The following TTF2 variants were observed in gnomAD, a reference collection of about 807,000 sequenced individuals.
The protein encoded by TTF2 is RNA polymerase II termination factor.
A neutral mutation model predicts 142.4 loss-of-function variants in TTF2; 108 were observed. The ratio of observed to expected loss-of-function variants is 0.76; its 90% CI spans 0.65 to 0.89. The LOEUF is 0.89. Among genes scored for constraint, TTF2 ranks in the 40% least tolerant of loss-of-function variants. TTF2 has a pLI of 0.00. For synonymous variants in TTF2, 483 were observed against 506.2 expected, an observed-to-expected ratio of 0.95 and a Z score of 0.61; for missense variants, 1,327 against 1,379.8, an observed-to-expected ratio of 0.96 and a Z score of 0.61.
chr1:117,068,371 A>C (rs1656314703), intron 3 of TTF2, among the ~76,000 whole-genome samples: 1 of 152,110 alleles, frequency 6.6e-6, no homozygotes. Flanking sequence ...AGGGCGTGGA[A>C]CATCACATAC....
chr1:117,079,602 C>T lies in TTF2; in HGVS notation c.1736C>T (p.Ala579Val), dbSNP rs1647313751. The change falls in exon 9 of 23, where the codon GCT becomes GTT. Residue 579 changes from alanine to valine, a missense_variant. Ala to Val is a moderately conservative substitution (Grantham distance 64). Coordinates refer to ENST00000369466, the MANE Select transcript of TTF2 (RefSeq NM_003594.4). This position sits in a 1 kb window ranked among gnomAD's most constrained non-coding sequence, Gnocchi z 4.2. ...PLLLHQKQALAWLLWRESQKP... is the reference protein window; with the variant it reads ...PLLLHQKQALVWLLWRESQKP... ...CTACTACACCAGAAGCAGGCATTGG[C>T]TTGGTTACTATGGCGAGAAAGTCAG... 1 of 1,614,066 alleles carries T rather than the reference C, an allele frequency of 6.2e-7. No individual in the cohort carries two copies. The highest frequency in any genetic ancestry group is 8.5e-7 in the Non-Finnish European group (1 of 1,180,038).
chr1:117,097,218 C>A lies in TTF2; in HGVS notation c.3187-133C>A, dbSNP rs374828909. ...AGCATTATAATGTTAAAAAAAAAAACAATTTATAACAGCAGAAGGAAATTT... is the reference window on the plus strand; with the variant it reads ...AGCATTATAATGTTAAAAAAAAAAAAAATTTATAACAGCAGAAGGAAATTT... On this transcript the variant is annotated intron_variant, in intron 20 of 22. Transcript: ENST00000369466. This position sits in a 1 kb window ranked among gnomAD's most constrained non-coding sequence, Gnocchi z 4.1. 80 of 679,816 alleles carry A rather than the reference C, an allele frequency of 1.2e-4. No individual in the cohort carries two copies. The highest frequency in any genetic ancestry group is 2.5e-4 in the East Asian group (9 of 35,494). 42.1% of individuals were successfully genotyped at this position (679,816 alleles called of 1,614,324 possible).
intron 3 of TTF2, among the ~76,000 whole-genome samples, chr1:117,072,973 GT>G (rs766315098): frequency 4.0e-5 from 6 of 151,430 alleles, no homozygotes; most frequent in Non-Finnish European, 8.8e-5. Context: ...AAATGTCATA[GT>G]TTTTTTTTAG....
At chr1:117,065,649 A>G (rs1036419978) in intron 3 of TTF2, among the ~76,000 whole-genome samples, 1 of 152,114 alleles carries the variant, frequency 6.6e-6, no homozygotes, top group African/African-American at 2.4e-5. Context: ...CAGAGTTCCT[A>G]TGCATCTTTT....
chr1:117,065,685 GT>G (rs1354137406), intron 3 of TTF2, among the ~76,000 whole-genome samples: 3 of 152,098 alleles, frequency 2.0e-5, no homozygotes, highest in Non-Finnish European at 2.9e-5. Context: ...CAGTGTTTGT[GT>G]TTTTTAGTGC....
Position 117,073,652 on chromosome 1 carries a change from C to T in TTF2, c.219-9C>T, listed in dbSNP as rs778278925. 5.6e-6 allele frequency: 9 copies of T among 1,600,790 alleles called. No individual in the cohort carries two copies. The highest frequency in any genetic ancestry group is 7.7e-6 in the Non-Finnish European group (9 of 1,170,514). ...TAGCCTTGATTATTTGTGTTTTATA[C>T]TTCATTAGATTGTTCTTCCGATGCA... is the stretch of plus-strand genomic sequence containing the variant. On this transcript the variant is annotated splice_polypyrimidine_tract_variant and intron_variant, in intron 3 of 22. Coordinates refer to ENST00000369466, the MANE Select transcript of TTF2 (RefSeq NM_003594.4). This position sits in a 1 kb window ranked among gnomAD's most constrained non-coding sequence, Gnocchi z 4.4.
intron 18 of TTF2, chr1:117,094,624 A>G: frequency 2.1e-6 from 1 of 478,996 alleles, no homozygotes; most frequent in South Asian, 1.5e-5. Context: ...AAGCTCTTTC[A>G]CTTTCTTCTT....
Position 117,073,810 on chromosome 1 carries a change from C to A in TTF2, c.285+83C>A. 1 of 1,325,148 alleles carries A rather than the reference C, an allele frequency of 7.5e-7. No homozygotes were observed. Among genetic ancestry groups the A allele is most frequent in the Non-Finnish European group, 1.1e-6 (1 of 945,738 alleles). The allele number at this position is 1,325,148 out of a possible 1,614,324, so 82.1% of individuals were successfully genotyped here. ...TCACCTGAAAATACCTTGAAGTTCA[C>A]GTAAATGAGTTGGTCTTCATCAGAC... On this transcript the variant is annotated intron_variant, in intron 4 of 22. Transcript: ENST00000369466. The surrounding 1 kb of genome is among the most constrained non-coding windows in gnomAD (Gnocchi z 4.4).
At position 117,073,186 on chromosome 1, in the gene TTF2, G is replaced by A. The variant is rs147664659; in HGVS notation, c.219-475G>A. ...TATATTCTCCACAGTATAGTTTTAC[G>A]CCTTCTTCTGTTGTTTCTATTTCCT... On this transcript the variant is annotated intron_variant, in intron 3 of 22. Coordinates refer to ENST00000369466, the MANE Select transcript of TTF2 (RefSeq NM_003594.4). The surrounding 1 kb of genome is among the most constrained non-coding windows in gnomAD (Gnocchi z 4.4). Among the ~76,000 whole-genome samples the A allele has an allele frequency of 2.8e-3, 423 of 152,174 alleles. 5 individuals carry two copies. Among genetic ancestry groups the A allele is most frequent in the South Asian group, 0.019 (90 of 4,824 alleles).
In TTF2 at chr1:117,073,212, A is replaced by G. The variant is rs532644943; in HGVS notation, c.219-449A>G. ...CCTTCTTCTGTTGTTTCTATTTCCT[A>G]TAAATTGGTAATTGGATCTAGAGGT... On this transcript the variant is annotated intron_variant, in intron 3 of 22. Transcript: ENST00000369466. The surrounding 1 kb of genome is among the most constrained non-coding windows in gnomAD (Gnocchi z 4.4). 6.6e-6 allele frequency among the ~76,000 whole-genome samples: 1 copy of G among 152,152 alleles called. No individual in the cohort carries two copies. Among genetic ancestry groups the G allele is most frequent in the South Asian group, 2.1e-4 (1 of 4,822 alleles).
chr1:117,067,898 A>G (rs1383256008), intron 3 of TTF2, among the ~76,000 whole-genome samples: 2 of 152,262 alleles, frequency 1.3e-5, no homozygotes, highest in East Asian at 3.8e-4. Context: ...ACTGAGGCGA[A>G]GATGCCCATT....
rs779988512 is a variant in TTF2 at position 117,076,824 on chromosome 1, G to A, written c.1573+1G>A. ...GGAGGATCCAGTCAGTGCTATCGAG[G>A]TAAGACCCAAGGGCCTGACCCTGCT... On this transcript the variant is annotated splice_donor_variant, in intron 7 of 22. Coordinates refer to ENST00000369466, the MANE Select transcript of TTF2 (RefSeq NM_003594.4). LOFTEE classifies it high-confidence loss of function. This position sits in a 1 kb window ranked among gnomAD's most constrained non-coding sequence, Gnocchi z 4.6. 5.0e-6 allele frequency: 8 copies of A among 1,610,716 alleles called. No individual in the cohort carries two copies. In the Admixed American group the frequency reaches 1.3e-4, roughly 27 times the overall value.
At chr1:117,094,862 A>G (rs560646899) in intron 18 of TTF2, 13 of 342,196 alleles carry the variant, frequency 3.8e-5, no homozygotes, top group Admixed American at 2.2e-4. Flanking sequence ...CCTAACCTGT[A>G]CTTTGGGGGT....
rs1216578000 is a variant in TTF2, at chr1:117,102,995, T to A, written c.*1471T>A. 1 of 152,216 alleles carries A rather than the reference T, an allele frequency of 6.6e-6. No homozygotes were observed. Among genetic ancestry groups the A allele is most frequent in the African/African-American group, 2.4e-5 (1 of 41,454 alleles). The allele number at this position is 152,216 out of a possible 1,614,324, so 9.4% of individuals were successfully genotyped here. A position where few individuals can be genotyped will look rare whatever the true frequency, so the allele number is the denominator to read the frequency against. ...ATGGACTGTGGAGAGAAGCGATTGA[T>A]GTAAGTCACTTCTAGGTGGCCCTCT... is the stretch of plus-strand genomic sequence containing the variant. On this transcript the variant is annotated 3_prime_UTR_variant, in exon 23 of 23. Coordinates refer to ENST00000369466, the MANE Select transcript of TTF2 (RefSeq NM_003594.4).
At chr1:117,088,621 T>G (rs936253217) in intron 12 of TTF2, among the ~76,000 whole-genome samples, 180 bp from the exon 13 acceptor site, 1 of 152,236 alleles carries the variant, frequency 6.6e-6, no homozygotes, top group African/African-American at 2.4e-5. Context: ...AAATAACTTA[T>G]TTGAACCAGT....
chr1:117,096,054 T>C, intron 19 of TTF2, 95 bp from the exon 20 acceptor site: 6 of 1,424,040 alleles, frequency 4.2e-6, no homozygotes, highest in South Asian at 3.9e-5. Flanking sequence ...CAACATTTGA[T>C]AGCTAACCTT....
rs753311484 is a variant in TTF2 at position 117,075,742 on chromosome 1, C to G, written c.1158C>G (p.Phe386Leu). 6.2e-6 allele frequency: 10 copies of G among 1,614,216 alleles called. No homozygotes were observed. Among genetic ancestry groups the G allele is most frequent in the Non-Finnish European group, 7.6e-6 (9 of 1,180,038 alleles). ...LDLETKENLQ[F>L]PDRSVQRKVS... ...TAGAGACGAAGGAAAACCTCCAATT[C>G]CCTGATCGAAGTGTGCAAAGAAAGG... The change falls in exon 5 of 23, where the codon TTC (phenylalanine) becomes TTG (leucine). Residue 386 changes from phenylalanine (F) to leucine (L), a missense_variant. Physicochemically the swap from Phe to Leu is conservative, Grantham distance 22 (BLOSUM62 0). Transcript: ENST00000369466. This position sits in a 1 kb window ranked among gnomAD's most constrained non-coding sequence, Gnocchi z 4.5.
In TTF2 at chr1:117,087,355, G is replaced by A. The variant is rs576102571; in HGVS notation, c.2160+833G>A. ...TCGCCCAGGATGGAGTGCATGGTGC[G>A]ATCTTGGCTCACTGCAACCTCTGCA... On this transcript the variant is annotated intron_variant, in intron 12 of 22. Transcript: ENST00000369466. The surrounding 1 kb of genome is among the most constrained non-coding windows in gnomAD (Gnocchi z 4.8). Among the ~76,000 whole-genome samples, 21 of 152,208 alleles carry A rather than the reference G, an allele frequency of 1.4e-4. No individual in the cohort carries two copies. The highest frequency in any genetic ancestry group is 5.8e-4 in the East Asian group (3 of 5,174).
chr1:117,092,802 C>T lies in TTF2; in HGVS notation c.2877C>T (p.Thr959=), dbSNP rs1206858843. The change falls in exon 18 of 23, where the codon ACC becomes ACT. Residue 959 remains threonine (T), a synonymous_variant. Coordinates refer to ENST00000369466, the MANE Select transcript of TTF2 (RefSeq NM_003594.4). The surrounding 1 kb of genome is among the most constrained non-coding windows in gnomAD (Gnocchi z 4.4). ...TGGAAGAACAGCTCAGTGCTTTGAC[C>T]TTGTCAGAACTCCGTGACTCAGAGC... ...LSLEEQLSAL[T]LSELRDSEPS... 6.2e-7 allele frequency: 1 copy of T among 1,614,186 alleles called. No individual in the cohort carries two copies. The highest frequency in any genetic ancestry group is 8.5e-7 in the Non-Finnish European group (1 of 1,180,036).
Sources: allele counts gnomAD v4.1 joint callset (sites outside exome capture counted in the v4.1 genomes callset), GRCh38; gene constraint gnomAD v4.1.1; non-coding constraint Gnocchi (gnomAD v3.1); transcripts MANE v1.5; gene names NCBI Gene and HGNC (gene_info 2026-07-23, HGNC 2026-07-21).